The following SHISA9 variants were observed in gnomAD, a reference collection of about 807,000 sequenced individuals.
The protein encoded by SHISA9 is shisa family member 9.
SHISA9 carries 13 observed loss-of-function variants against 38.0 expected under a neutral mutation model. That is an observed-to-expected ratio of 0.34 (90% CI 0.22 to 0.54). SHISA9 has a LOEUF of 0.54. Ranked by LOEUF, SHISA9 falls within the 20% of genes least tolerant of loss-of-function variation. The pLI is 0.91. For synonymous variants in SHISA9, 275 were observed against 242.0 expected (o/e 1.14, Z -1.27); for missense variants, 538 against 575.8 (o/e 0.93, Z 0.67).
At chr16:13,137,705 C>T (rs1338030330) in intron 2 of SHISA9, among the ~76,000 whole-genome samples, 1 of 152,150 alleles carries the variant, frequency 6.6e-6, no homozygotes, top group Non-Finnish European at 1.5e-5. Context: ...CTGCCCACTT[C>T]AGCCTCCCAA....
the SHISA9 span, among the ~76,000 whole-genome samples, chr16:13,495,118 A>G: frequency 6.6e-6 from 1 of 152,206 alleles, no homozygotes; most frequent in Non-Finnish European, 1.5e-5. Flanking sequence ...CTTTATGATG[A>G]TGACATAGCT....
At chr16:13,247,742 A>G in the SHISA9 span, among the ~76,000 whole-genome samples, 1 of 152,244 alleles carries the variant, frequency 6.6e-6, no homozygotes, top group Non-Finnish European at 1.5e-5. Context: ...GTTGCTAGAA[A>G]TAATTTTGTC....
At chr16:13,440,414 A>G in the SHISA9 span, among the ~76,000 whole-genome samples, 1 of 152,198 alleles carries the variant, frequency 6.6e-6, no homozygotes, top group African/African-American at 2.4e-5. Context: ...TCAGGGATAG[A>G]GTTTAAGCTC....
chr16:13,254,757 G>A, the SHISA9 span, among the ~76,000 whole-genome samples: 8 of 152,156 alleles, frequency 5.3e-5, no homozygotes, highest in Non-Finnish European at 7.3e-5. Context: ...AATCCTCAGC[G>A]GACACCTTGG....
chr16:13,008,423 G>A (rs1183516581), intron 2 of SHISA9, among the ~76,000 whole-genome samples: 1 of 152,136 alleles, frequency 6.6e-6, no homozygotes, highest in Non-Finnish European at 1.5e-5. Context: ...TGCCTTGTAT[G>A]GTTTGGCCCT....
intron 2 of SHISA9, among the ~76,000 whole-genome samples, chr16:13,009,551 G>A (rs539154453): frequency 2.0e-4 from 31 of 152,280 alleles, no homozygotes; most frequent in South Asian, 1.2e-3. Context: ...GCCAATAGCC[G>A]GAACCAGAAG....
chr16:13,541,415 C>A, the SHISA9 span, among the ~76,000 whole-genome samples: 1 of 152,132 alleles, frequency 6.6e-6, no homozygotes, highest in South Asian at 2.1e-4. Flanking sequence ...ATGTGCACCC[C>A]CGCCTTTGCC....
At chr16:13,142,472 G>T (rs1004123912) in intron 2 of SHISA9, among the ~76,000 whole-genome samples, 3 of 152,102 alleles carry the variant, frequency 2.0e-5, no homozygotes, top group African/African-American at 7.2e-5. Flanking sequence ...GTACGCTTCT[G>T]TGGCCAGCTG....
At chr16:13,027,115 A>G (rs997139484) in intron 2 of SHISA9, among the ~76,000 whole-genome samples, 3 of 152,224 alleles carry the variant, frequency 2.0e-5, no homozygotes, top group Non-Finnish European at 4.4e-5. Flanking sequence ...GGGATCCCCA[A>G]GATTTCTGTT....
At chr16:13,468,217 C>T in the SHISA9 span, among the ~76,000 whole-genome samples, 1 of 152,176 alleles carries the variant, frequency 6.6e-6, no homozygotes, top group Non-Finnish European at 1.5e-5. Flanking sequence ...ATCCACTCCA[C>T]AGAAAGCTTG....
chr16:13,244,485 G>T (rs2142098488), downstream of SHISA9, among the ~76,000 whole-genome samples: 1 of 152,192 alleles, frequency 6.6e-6, no homozygotes, highest in East Asian at 1.9e-4. Context: ...TCTTCCTTGT[G>T]ATTTTTTAAA....
chr16:13,184,449 T>A (rs2050803356), intron 2 of SHISA9, among the ~76,000 whole-genome samples: 1 of 152,270 alleles, frequency 6.6e-6, no homozygotes, highest in Admixed American at 6.5e-5. Context: ...TGTCTTTGCA[T>A]ATTTTTTAAA....
intron 2 of SHISA9, among the ~76,000 whole-genome samples, chr16:13,120,665 A>T (rs2074076914): frequency 6.6e-6 from 1 of 152,218 alleles, no homozygotes. Flanking sequence ...GAAGGTTGGC[A>T]AAGAAGGGAG....
At chr16:13,202,742 T>C (rs2051017966) in intron 2 of SHISA9, among the ~76,000 whole-genome samples, 1 of 152,208 alleles carries the variant, frequency 6.6e-6, no homozygotes, top group South Asian at 2.1e-4. Flanking sequence ...TGTTTCTGTG[T>C]ATGTGTTTTC....
chr16:13,471,432 A>T, the SHISA9 span, among the ~76,000 whole-genome samples: 1 of 152,054 alleles, frequency 6.6e-6, no homozygotes, highest in South Asian at 2.1e-4. Flanking sequence ...TCTAGATCCG[A>T]CTCTCTCCTT....
rs1596758003 is a variant in SHISA9, at chr16:13,235,478, A to C, written c.*69A>C. 6.9e-7 allele frequency: 1 copy of C among 1,453,688 alleles called. No homozygotes were observed. The highest frequency in any genetic ancestry group is 1.4e-5 in the South Asian group (1 of 71,264). The allele number at this position is 1,453,688 out of a possible 1,614,324, so 90.0% of individuals were successfully genotyped here. ...AGAGGCAAAAAACAACCCCGCCCAC[A>C]CCCTCCCCATCCTCCCCTAATACAT... On this transcript the variant is annotated 3_prime_UTR_variant, in exon 5 of 5. Transcript: ENST00000558583.
intron 2 of SHISA9, among the ~76,000 whole-genome samples, chr16:13,140,085 T>TCTTCCCTTCCCTTCCCTTCCCTTCC (rs1191653527): frequency 3.8e-5 from 2 of 52,232 alleles, no homozygotes; most frequent in African/African-American, 1.5e-4. Flanking sequence ...TTTCCTCTTC[T>TCTTCCCTTCCCTTCCCTTCCCTTCC]CTTCCCTTCC....
intron 2 of SHISA9, among the ~76,000 whole-genome samples, chr16:13,004,862 G>C (rs899854888): frequency 6.6e-6 from 1 of 151,052 alleles, no homozygotes; most frequent in Non-Finnish European, 1.5e-5. Flanking sequence ...AATGCGGGAG[G>C]CAGAGGTTGC....
chr16:13,315,609 G>C, the SHISA9 span, among the ~76,000 whole-genome samples: 3 of 152,160 alleles, frequency 2.0e-5, no homozygotes, highest in Non-Finnish European at 4.4e-5. Flanking sequence ...ACTTCTCAAA[G>C]CACCTTTATT....
Sources: allele counts gnomAD v4.1 joint callset (sites outside exome capture counted in the v4.1 genomes callset), GRCh38; gene constraint gnomAD v4.1.1; transcripts MANE v1.5; gene names NCBI Gene and HGNC (gene_info 2026-07-23, HGNC 2026-07-21).